KIRREL1: variants seen among roughly 807,000 people sequenced by gnomAD.
KIRREL1 encodes kin of IRRE-like protein 1.
A neutral mutation model predicts 83.3 loss-of-function variants in KIRREL1; 25 were observed. That is an observed-to-expected ratio of 0.30 (90% CI 0.22 to 0.42). KIRREL1 has a LOEUF of 0.42. Ranked by LOEUF, KIRREL1 falls within the 10% of genes least tolerant of loss-of-function variation. The pLI, the probability that KIRREL1 is intolerant of heterozygous loss-of-function variation, is 1.00. For missense variants in KIRREL1, 812 were observed against 1,032.3 expected (o/e 0.79, Z 2.92); for synonymous variants, 388 against 410.4 (o/e 0.95, Z 0.66).
intron 10 of KIRREL1, among the ~76,000 whole-genome samples, chr1:158,091,059 T>C (rs1022653108): frequency 6.6e-6 from 1 of 152,218 alleles, no homozygotes; most frequent in Non-Finnish European, 1.5e-5. Context: ...TCCTCCTCCC[T>C]GGAGATTCCT....
At chr1:158,026,156 T>C (rs1169161740) in intron 1 of KIRREL1, among the ~76,000 whole-genome samples, 1 of 151,994 alleles carries the variant, frequency 6.6e-6, no homozygotes, top group East Asian at 1.9e-4. Flanking sequence ...CAGGCTGGGG[T>C]TTCTACTCCC....
chr1:157,997,336 A>T (rs543931652), intron 1 of KIRREL1, among the ~76,000 whole-genome samples: 5 of 152,348 alleles, frequency 3.3e-5, no homozygotes, highest in African/African-American at 9.6e-5. Context: ...CATGTAACGT[A>T]CATGGAACAG....
chr1:158,076,629 G>A (rs1220930448), intron 2 of KIRREL1, among the ~76,000 whole-genome samples: 1 of 152,224 alleles, frequency 6.6e-6, no homozygotes, highest in African/African-American at 2.4e-5. Context: ...GGTAGGAGAG[G>A]GCACAGGCAA....
intron 1 of KIRREL1, among the ~76,000 whole-genome samples, chr1:158,004,811 A>T (rs1449821712): frequency 6.6e-6 from 1 of 152,022 alleles, no homozygotes; most frequent in Non-Finnish European, 1.5e-5. Flanking sequence ...AGGCTTGGTG[A>T]TGTGCACCTG....
intron 12 of KIRREL1, 26 bp from the exon 13 acceptor site, chr1:158,093,597 G>C: frequency 6.2e-7 from 1 of 1,613,862 alleles, no homozygotes. Flanking sequence ...GGAAGCACTT[G>C]TTCCAGGCTG....
chr1:158,013,411 C>T (rs892341476), intron 1 of KIRREL1, among the ~76,000 whole-genome samples: 1 of 152,104 alleles, frequency 6.6e-6, no homozygotes, highest in Non-Finnish European at 1.5e-5. Context: ...GACGATCTAC[C>T]ACATCTCCAC....
At position 158,080,750 on chromosome 1, in the gene KIRREL1, A is replaced by G. The variant is rs187548322; in HGVS notation, c.352+2610A>G. Among the ~76,000 whole-genome samples the G allele has an allele frequency of 1.5e-3, 222 of 152,194 alleles. 2 individuals carry two copies. The highest frequency in any genetic ancestry group is 2.1e-3 in the Non-Finnish European group (140 of 67,986). On this transcript the variant is annotated intron_variant, in intron 3 of 14. Transcript: ENST00000359209. ...CTTAGAGGGGCCTGAGCAGACCAGG[A>G]GGCCCTTCTCCCTTCACTCTTTCCT...
rs755794972 is a variant in KIRREL1, at chr1:158,088,438, A to G, written c.1028A>G (p.Lys343Arg). Reference protein sequence around the residue: ...GNPPLTLTWTKKDSNMVLSNS... With the variant: ...GNPPLTLTWTRKDSNMVLSNS... Reference sequence around the variant, plus strand: ...CCCCCCCTCACTCTCACCTGGACCAAAAAGGACTCAAATATGGTAAGACTC... The same window carrying G: ...CCCCCCCTCACTCTCACCTGGACCAGAAAGGACTCAAATATGGTAAGACTC... The change falls in exon 8 of 15, where the codon AAA becomes AGA. Residue 343 changes from lysine to arginine, a missense_variant. Physicochemically the swap from Lys to Arg is conservative, Grantham distance 26. Coordinates refer to ENST00000359209, the MANE Select transcript of KIRREL1 (RefSeq NM_018240.7). 3.8e-5 allele frequency: 61 copies of G among 1,602,232 alleles called. No individual in the cohort carries two copies. Among genetic ancestry groups the G allele is most frequent in the Non-Finnish European group, 5.0e-5 (59 of 1,176,472 alleles).
rs551548862 is a variant in KIRREL1, at chr1:158,096,872, T to A, written c.*1752T>A. On this transcript the variant is annotated 3_prime_UTR_variant, in exon 15 of 15. Transcript: ENST00000359209. ...GCAGTTCCCAAAATGTTCCTCGCCC[T>A]TTCTCCGTGGTCACCATTCATAATT... is the stretch of plus-strand genomic sequence containing the variant. 6.6e-6 allele frequency: 3 copies of A among 456,684 alleles called. No individual in the cohort carries two copies. In the East Asian group the frequency reaches 2.1e-4, roughly 32 times the overall value. 28.3% of individuals were successfully genotyped at this position (456,684 alleles called of 1,614,324 possible). A position where few individuals can be genotyped will look rare whatever the true frequency, so the allele number is the denominator to read the frequency against.
At chr1:158,031,145 T>C (rs559754615) in intron 1 of KIRREL1, 1 of 152,204 alleles carries the variant, frequency 6.6e-6, no homozygotes, top group South Asian at 2.1e-4. Flanking sequence ...CACAAATGAA[T>C]TAAACTCAAA....
intron 1 of KIRREL1, among the ~76,000 whole-genome samples, chr1:158,021,381 A>C (rs983986341): frequency 4.6e-5 from 7 of 152,216 alleles, no homozygotes; most frequent in African/African-American, 1.7e-4. Flanking sequence ...AGCTGGTGAA[A>C]GTATCGTGGT....
At chr1:158,004,260 A>G (rs940206255) in intron 1 of KIRREL1, among the ~76,000 whole-genome samples, 1 of 152,252 alleles carries the variant, frequency 6.6e-6, no homozygotes, top group Admixed American at 6.5e-5. Context: ...TGTTATTAAT[A>G]TTGCACAGTC....
intron 3 of KIRREL1, among the ~76,000 whole-genome samples, chr1:158,083,407 G>A (rs1362182543): frequency 1.3e-5 from 2 of 152,200 alleles, no homozygotes; most frequent in Non-Finnish European, 2.9e-5. Flanking sequence ...GCATCAACTG[G>A]GATTTGAACA....
chr1:157,995,018 A>T (rs1236955370), intron 1 of KIRREL1, among the ~76,000 whole-genome samples: 3 of 152,226 alleles, frequency 2.0e-5, no homozygotes, highest in Non-Finnish European at 4.4e-5. Flanking sequence ...AGACATTCAT[A>T]TGGGCAGACA....
chr1:158,011,838 C>T (rs1339121091), intron 1 of KIRREL1, among the ~76,000 whole-genome samples: 4 of 152,176 alleles, frequency 2.6e-5, no homozygotes, highest in African/African-American at 7.2e-5. Flanking sequence ...CGTAGTCACA[C>T]GCAGAAGCCT....
intron 1 of KIRREL1, among the ~76,000 whole-genome samples, chr1:158,044,414 G>T (rs1379879906): frequency 6.6e-6 from 1 of 152,174 alleles, no homozygotes; most frequent in Non-Finnish European, 1.5e-5. Context: ...CCTAATGGAG[G>T]ACAGTGGTGA....
chr1:158,050,152 C>T (rs768840518), intron 1 of KIRREL1, among the ~76,000 whole-genome samples: 11 of 152,164 alleles, frequency 7.2e-5, no homozygotes, highest in Admixed American at 5.2e-4. Context: ...CAACATTTGG[C>T]GAGGAATTTC....
intron 3 of KIRREL1, 35 bp from the exon 4 acceptor site, chr1:158,084,387 A>T: frequency 6.5e-7 from 1 of 1,534,052 alleles, no homozygotes; most frequent in Non-Finnish European, 8.8e-7. Flanking sequence ...TGTTAGCCAC[A>T]CCCTGCACTG....
chr1:158,034,696 A>G (rs1384085528), intron 1 of KIRREL1, among the ~76,000 whole-genome samples: 2 of 152,238 alleles, frequency 1.3e-5, no homozygotes, highest in African/African-American at 4.8e-5. Flanking sequence ...TAAGCTGTTC[A>G]TAAAACATAA....
Sources: gnomAD v4.1 joint callset for allele counts (sites outside exome capture counted in the v4.1 genomes callset) on GRCh38, gnomAD v4.1.1 for gene constraint, MANE v1.5 for transcripts, NCBI Gene and HGNC (gene_info 2026-07-23, HGNC 2026-07-21) for gene names.